AUTS2: variants seen among roughly 807,000 people sequenced by gnomAD.
AUTS2 encodes the protein activator of transcription and developmental regulator AUTS2.
A neutral mutation model predicts 112.4 loss-of-function variants in AUTS2; 17 were observed. The observed-to-expected ratio is 0.15, with a 90% CI of 0.10 to 0.23. The LOEUF is 0.23. AUTS2 is among the 10% of genes least tolerant of loss of function. The pLI is 1.00. For missense variants in AUTS2, 1,510 were observed against 1,701.6 expected (o/e 0.89, Z 1.98); for synonymous variants, 751 against 702.7 (o/e 1.07, Z -1.09).
intron 1 of AUTS2, among the ~76,000 whole-genome samples, chr7:69,861,813 A>T (rs1584354776): frequency 6.6e-6 from 1 of 152,096 alleles, no homozygotes; most frequent in South Asian, 2.1e-4. Context: ...AAGATAGGGG[A>T]TAGGTGACCA....
At chr7:70,338,144 T>C (rs1373425649) in intron 4 of AUTS2, among the ~76,000 whole-genome samples, 2 of 152,244 alleles carry the variant, frequency 1.3e-5, no homozygotes. Flanking sequence ...ACTTGTAATT[T>C]AGCAAATTGC....
chr7:69,780,195 G>T (rs1458723188), intron 1 of AUTS2, among the ~76,000 whole-genome samples: 1 of 152,018 alleles, frequency 6.6e-6, no homozygotes, highest in Non-Finnish European at 1.5e-5. Flanking sequence ...TTGATGTTTG[G>T]CCATATCAGA....
At chr7:70,585,627 A>G (rs1026578090) in intron 5 of AUTS2, among the ~76,000 whole-genome samples, 2 of 152,150 alleles carry the variant, frequency 1.3e-5, no homozygotes, top group African/African-American at 4.8e-5. Context: ...AACAGCCCCA[A>G]TTTATGCCTG....
chr7:70,032,386 G>A (rs1460874879), intron 2 of AUTS2, among the ~76,000 whole-genome samples: 1 of 152,004 alleles, frequency 6.6e-6, no homozygotes, highest in Admixed American at 6.6e-5. Context: ...TATTTCAATG[G>A]CTGAGGTTTT....
chr7:70,335,607 G>T (rs566355853), intron 4 of AUTS2, among the ~76,000 whole-genome samples: 1 of 152,206 alleles, frequency 6.6e-6, no homozygotes. Context: ...TTTCATTAGC[G>T]TACTTCATCA....
Position 70,613,963 on chromosome 7 carries a change from C to A in AUTS2, c.691-84606C>A, listed in dbSNP as rs186077284. On this transcript the variant is annotated intron_variant, in intron 5 of 18. Transcript: ENST00000342771. ...CTAAAAGTGACAAAAATCCCAAGCT[C>A]CAAATGAATTACAGCATGCCCCAAA... Among the ~76,000 whole-genome samples, 828 of 152,306 alleles carry A rather than the reference C, an allele frequency of 5.4e-3. 3 individuals are homozygous for A. Among genetic ancestry groups the A allele is most frequent in the Admixed American group, 8.4e-3 (129 of 15,298 alleles).
At chr7:69,797,967 G>C (rs950777328) in intron 1 of AUTS2, among the ~76,000 whole-genome samples, 4 of 152,076 alleles carry the variant, frequency 2.6e-5, no homozygotes, top group Non-Finnish European at 4.4e-5. Flanking sequence ...AGGTAACTTG[G>C]CTATGCTACT....
At chr7:69,673,370 T>A (rs181062013) in intron 1 of AUTS2, among the ~76,000 whole-genome samples, 1 of 152,312 alleles carries the variant, frequency 6.6e-6, no homozygotes, top group East Asian at 1.9e-4. Context: ...ATGACCTTAT[T>A]CCCTGAACCT....
chr7:69,641,517 C>T (rs1315085605), intron 1 of AUTS2, among the ~76,000 whole-genome samples: 4 of 152,194 alleles, frequency 2.6e-5, no homozygotes, highest in Non-Finnish European at 4.4e-5. Flanking sequence ...GCAGTTACAG[C>T]ATGGACTGCA....
intron 2 of AUTS2, among the ~76,000 whole-genome samples, chr7:70,009,296 G>T (rs1032311149): frequency 6.6e-6 from 1 of 152,146 alleles, no homozygotes; most frequent in Non-Finnish European, 1.5e-5. Context: ...ATCACCTCCT[G>T]TTTGGCCCTA....
intron 4 of AUTS2, among the ~76,000 whole-genome samples, chr7:70,222,166 T>C (rs933681349): frequency 1.3e-5 from 2 of 152,254 alleles, no homozygotes; most frequent in African/African-American, 4.8e-5. Context: ...ATTTATGTTA[T>C]TTAATTAAAA....
intron 4 of AUTS2, among the ~76,000 whole-genome samples, chr7:70,272,791 G>A (rs1789245972): frequency 6.6e-6 from 1 of 151,970 alleles, no homozygotes; most frequent in Non-Finnish European, 1.5e-5. Context: ...CAGAGACAAT[G>A]GGACCCTTTT....
At chr7:69,998,306 CA>C (rs1023988453) in intron 2 of AUTS2, among the ~76,000 whole-genome samples, 42 of 152,056 alleles carry the variant, frequency 2.8e-4, no homozygotes, top group African/African-American at 9.9e-4. Context: ...CTCAGCCTCC[CA>C]AGTAGCTGGG....
intron 5 of AUTS2, among the ~76,000 whole-genome samples, chr7:70,660,946 C>T (rs929133065): frequency 6.6e-6 from 1 of 152,192 alleles, no homozygotes; most frequent in Non-Finnish European, 1.5e-5. Flanking sequence ...GCAGATGGAA[C>T]CTTCTCAGCT....
intron 15 of AUTS2, 104 bp from the exon 16 acceptor site, chr7:70,784,838 C>A: frequency 1.0e-6 from 1 of 965,242 alleles, no homozygotes; most frequent in East Asian, 2.6e-5. Context: ...CCATGACCTC[C>A]CTTGAACATA....
At chr7:70,580,128 A>G (rs1802365983) in intron 5 of AUTS2, among the ~76,000 whole-genome samples, 2 of 152,166 alleles carry the variant, frequency 1.3e-5, no homozygotes. Flanking sequence ...CTCAAAGCAC[A>G]TTCCCGTCTC....
intron 5 of AUTS2, among the ~76,000 whole-genome samples, chr7:70,495,872 AC>A (rs1277760824): frequency 4.5e-5 from 6 of 133,818 alleles, no homozygotes; most frequent in Non-Finnish European, 7.8e-5. Flanking sequence ...CACGCCCCAC[AC>A]ATGCACATGT....
chr7:69,909,317 T>C (rs2129541626), intron 2 of AUTS2, among the ~76,000 whole-genome samples: 1 of 152,368 alleles, frequency 6.6e-6, no homozygotes, highest in Admixed American at 6.5e-5. Flanking sequence ...ATGGACCTGA[T>C]AGAATAATTG....
At chr7:70,357,540 C>G (rs766798147) in intron 4 of AUTS2, among the ~76,000 whole-genome samples, 2 of 152,190 alleles carry the variant, frequency 1.3e-5, no homozygotes, top group Non-Finnish European at 2.9e-5. Context: ...TCTGGCAACT[C>G]TCTTGGCAAC....
Sources: allele counts gnomAD v4.1 joint callset (sites outside exome capture counted in the v4.1 genomes callset), GRCh38; gene constraint gnomAD v4.1.1; transcripts MANE v1.5; gene names NCBI Gene and HGNC (gene_info 2026-07-23, HGNC 2026-07-21).